TRIM27: variants seen among roughly 807,000 people sequenced by gnomAD.
TRIM27 encodes zinc finger protein RFP.
A neutral mutation model predicts 57.6 loss-of-function variants in TRIM27; 12 were observed. The ratio of observed to expected loss-of-function variants is 0.21; its 90% CI spans 0.13 to 0.34. TRIM27 has a LOEUF of 0.34. Among genes scored for constraint, TRIM27 ranks in the 10% least tolerant of loss-of-function variants. The pLI is 1.00. For synonymous variants in TRIM27, 266 were observed against 259.0 expected, an observed-to-expected ratio of 1.03 and a Z score of -0.26; for missense variants, 403 against 656.8, an observed-to-expected ratio of 0.61 and a Z score of 4.22.
At chr6:28,923,179 T>C (rs939696584) in intron 1 of TRIM27, 34 bp downstream of exon 1, 1 of 1,511,378 alleles carries the variant, frequency 6.6e-7, no homozygotes, top group Non-Finnish European at 8.9e-7. Flanking sequence ...TTTGTCCGAC[T>C]CGCGCTCCCG....
chr6:28,907,227 A>T lies in TRIM27; in HGVS notation c.946+9T>A, dbSNP rs1772833733. On this transcript the variant is annotated intron_variant, in intron 7 of 7. Coordinates refer to ENST00000377199, the MANE Select transcript of TRIM27 (RefSeq NM_006510.5). ...TTACCCTAATATGGTTTTGTCTCTCATCACCTACCTGAGTATAACTGAGCC... is the reference window on the plus strand; with the variant it reads ...TTACCCTAATATGGTTTTGTCTCTCTTCACCTACCTGAGTATAACTGAGCC... 1.2e-6 allele frequency: 2 copies of T among 1,610,314 alleles called. No homozygotes were observed. Among genetic ancestry groups the T allele is most frequent in the African/African-American group, 1.3e-5 (1 of 74,892 alleles).
intron 3 of TRIM27, among the ~76,000 whole-genome samples, chr6:28,913,292 T>C (rs1581500661): frequency 6.8e-6 from 1 of 147,638 alleles, no homozygotes; most frequent in Non-Finnish European, 1.5e-5. Context: ...ATATATAATA[T>C]ACGTATGTAT....
At chr6:28,909,792 T>C (rs1403659910) in intron 4 of TRIM27, among the ~76,000 whole-genome samples, 1 of 152,130 alleles carries the variant, frequency 6.6e-6, no homozygotes, top group Non-Finnish European at 1.5e-5. Flanking sequence ...CATTACCCAA[T>C]TCCCTAGCCC....
chr6:28,923,083 G>A, intron 1 of TRIM27, 130 bp downstream of exon 1: 1 of 1,101,334 alleles, frequency 9.1e-7, no homozygotes, highest in Non-Finnish European at 1.3e-6. Context: ...GGAGCGGACA[G>A]AGAGGAAATG....
At chr6:28,910,784 T>C (rs1322234776) in intron 4 of TRIM27, among the ~76,000 whole-genome samples, 2 of 152,162 alleles carry the variant, frequency 1.3e-5, no homozygotes, top group African/African-American at 2.4e-5. Flanking sequence ...CATCATAAAG[T>C]ATCAGGTAAC....
Position 28,904,972 on chromosome 6 carries a change from G to A in TRIM27, c.947-307C>T. 2.7e-6 allele frequency: 1 copy of A among 372,892 alleles called. No individual in the cohort carries two copies. The highest frequency in any genetic ancestry group is 4.9e-6 in the Non-Finnish European group (1 of 205,970). The allele number at this position is 372,892 out of a possible 1,614,324, so 23.1% of individuals were successfully genotyped here. A position where few individuals can be genotyped will look rare whatever the true frequency, so the allele number is the denominator to read the frequency against. On this transcript the variant is annotated intron_variant, in intron 7 of 7. Coordinates refer to ENST00000377199, the MANE Select transcript of TRIM27 (RefSeq NM_006510.5). This position sits in a 1 kb window ranked among gnomAD's most constrained non-coding sequence, Gnocchi z 6.1. ...CTGTTGCCTAGGCTGGAGCGCAGTG[G>A]TGTGGTCATAGTTCATTGTAACCCC... is the stretch of plus-strand genomic sequence containing the variant.
At chr6:28,913,513 AATATTGAGAAATTC>A (rs1354264229) in intron 3 of TRIM27, among the ~76,000 whole-genome samples, 2 of 151,876 alleles carry the variant, frequency 1.3e-5, no homozygotes, top group Admixed American at 1.3e-4. Flanking sequence ...AGTTTTGTTA[AATATTGAGAAATTC>A]TCCTCCAAAA....
In TRIM27 at chr6:28,921,749, G is replaced by A. The variant is rs1774055324; in HGVS notation, c.516+143C>T. 1.6e-5 allele frequency: 11 copies of A among 697,204 alleles called. No homozygotes were observed. The East Asian group carries it at 2.8e-4, about 17-fold the overall frequency. 43.2% of individuals were successfully genotyped at this position (697,204 alleles called of 1,614,324 possible). ...GTAAGGGAATCTTAGTTCTCCGGGT[G>A]AGTTCCCACTGCCATGTGCGGTTGA... On this transcript the variant is annotated intron_variant, in intron 2 of 7. Transcript: ENST00000377199.
At position 28,920,151 on chromosome 6, in the gene TRIM27, C is replaced by T. The variant is rs545778548; in HGVS notation, c.608G>A (p.Arg203His). ...GATGGCCAAGTCTAGCTCCTCAAGG[C>T]GGGCCAGGAGGCGATACTCATGCTC... is the stretch of plus-strand genomic sequence containing the variant. ...LKEHEYRLLA[R>H]LEELDLAIYN... Residue 203 changes from arginine (R) to histidine (H), a missense_variant, in exon 3 of 8, where the codon CGC (arginine) becomes CAC (histidine). Transcript: ENST00000377199. 2 of 1,614,160 alleles carry T rather than the reference C, an allele frequency of 1.2e-6. No individual in the cohort carries two copies. The highest frequency in any genetic ancestry group is 1.3e-5 in the African/African-American group (1 of 75,056).
At chr6:28,907,914 C>CCTG in intron 6 of TRIM27, 1 of 237,664 alleles carries the variant, frequency 4.2e-6, no homozygotes, top group African/African-American at 2.2e-5. Context: ...AAGTATATAT[C>CCTG]TGAATAGATG....
chr6:28,923,898 G>T lies in TRIM27; in HGVS notation c.-266C>A. On this transcript the variant is annotated 5_prime_UTR_variant, in exon 1 of 8. Transcript: ENST00000377199. ...GCGGCCACGCTAGTGGGGCAGGAAA[G>T]GGTAGCCGAGGGTCAGAGTCCCAGG... 2.2e-6 allele frequency: 1 copy of T among 461,392 alleles called. No homozygotes were observed. The allele number at this position is 461,392 out of a possible 1,614,324, so 28.6% of individuals were successfully genotyped here.
At chr6:28,921,571 T>C (rs1239883782) in intron 2 of TRIM27, among the ~76,000 whole-genome samples, 4 of 152,202 alleles carry the variant, frequency 2.6e-5, no homozygotes, top group Non-Finnish European at 4.4e-5. Flanking sequence ...GTCTGCAGAA[T>C]GGTACCAACG....
chr6:28,922,797 T>G (rs1774146791), intron 1 of TRIM27, among the ~76,000 whole-genome samples: 1 of 152,208 alleles, frequency 6.6e-6, no homozygotes, highest in Non-Finnish European at 1.5e-5. Flanking sequence ...AGGAAAGTGC[T>G]GGGGAAATGC....
chr6:28,912,166 A>G (rs990781143), intron 3 of TRIM27, among the ~76,000 whole-genome samples: 1 of 150,610 alleles, frequency 6.6e-6, no homozygotes, highest in Non-Finnish European at 1.5e-5. Context: ...CTGGAGTGCA[A>G]TGGCGCGATC....
intron 2 of TRIM27, among the ~76,000 whole-genome samples, chr6:28,921,145 C>CT (rs780541186): frequency 1.3e-4 from 20 of 152,190 alleles, no homozygotes; most frequent in Non-Finnish European, 2.8e-4. Flanking sequence ...CTTTGGGAGG[C>CT]TGAGGTGGGC....
chr6:28,907,454 AG>A (rs1205316006), intron 6 of TRIM27, 192 bp from the exon 7 acceptor site: 1 of 714,962 alleles, frequency 1.4e-6, no homozygotes. Flanking sequence ...TTAAGGGGAG[AG>A]GGATTGGGAA....
chr6:28,904,125 T>C lies in TRIM27; in HGVS notation c.1487A>G (p.Asp496Gly). The change falls in exon 8 of 8, where the codon GAT (aspartate) becomes GGT (glycine). Residue 496 changes from aspartate (D) to glycine (G), a missense_variant. Transcript: ENST00000377199. The surrounding 1 kb of genome is among the most constrained non-coding windows in gnomAD (Gnocchi z 6.1). ...ATTCCCAACATGGCCAGAAAACCCA[T>C]CTATCCCACTCATGGGGCAGATGAT... ...PLIICPMSGI[D>G]GFSGHVGNHG... The C allele has an allele frequency of 3.1e-6, 5 of 1,612,988 alleles. No individual in the cohort carries two copies. Among genetic ancestry groups the C allele is most frequent in the Non-Finnish European group, 4.2e-6 (5 of 1,180,008 alleles).
At chr6:28,914,595 T>A (rs1369159804) in intron 3 of TRIM27, among the ~76,000 whole-genome samples, 1 of 35,704 alleles carries the variant, frequency 2.8e-5, no homozygotes, top group Non-Finnish European at 5.4e-5. Flanking sequence ...GGGGGGGGGA[T>A]GAGGGATAAC....
intron 3 of TRIM27, among the ~76,000 whole-genome samples, chr6:28,919,099 T>A (rs1282669069): frequency 1.3e-5 from 2 of 152,092 alleles, no homozygotes; most frequent in East Asian, 3.9e-4. Context: ...CTGCAACCAC[T>A]TCCTCCTGGT....
Sources: allele counts gnomAD v4.1 joint callset (sites outside exome capture counted in the v4.1 genomes callset), GRCh38; gene constraint gnomAD v4.1.1; non-coding constraint Gnocchi (gnomAD v3.1); transcripts MANE v1.5; gene names NCBI Gene and HGNC (gene_info 2026-07-23, HGNC 2026-07-21).